Variants in CORO1B observed in about 807,000 individuals in gnomAD.
CORO1B encodes the protein coronin 1B.
Under a neutral mutation model 51.1 loss-of-function variants are expected in CORO1B, and 30 were observed. The ratio of observed to expected loss-of-function variants is 0.59; its 90% CI spans 0.44 to 0.80. The LOEUF is 0.80. Ranked by LOEUF, CORO1B falls within the 30% of genes least tolerant of loss-of-function variation. The pLI is 0.00. For synonymous variants in CORO1B, 310 were observed against 289.7 expected, an observed-to-expected ratio of 1.07 and a Z score of -0.71; for missense variants, 648 against 700.4, an observed-to-expected ratio of 0.93 and a Z score of 0.84.
chr11:67,439,575 G>A (rs1046433856), intron 9 of CORO1B, among the ~76,000 whole-genome samples: 1 of 152,196 alleles, frequency 6.6e-6, no homozygotes, highest in Non-Finnish European at 1.5e-5. Context: ...CCAGAGCAGG[G>A]CCCCTGCTCA....
rs1411309525 is a variant in CORO1B at position 67,441,168 on chromosome 11, C to A, written c.713G>T (p.Gly238Val). The change falls in exon 6 of 11, where the codon GGC becomes GTC. Residue 238 changes from glycine (G) to valine (V), a missense_variant. Physicochemically the swap from Gly to Val is moderately radical, Grantham distance 109 (BLOSUM62 -3). Transcript: ENST00000341356. ...FLADGKVFTT[G>V]FSRMSERQLA... is the part of the protein sequence containing the mutation. ...CTGCCGCTCGCTCATTCGGCTGAAG[C>A]CTGTGGTGAACACCTTGCCATCTGC... 1 of 1,613,152 alleles carries A rather than the reference C, an allele frequency of 6.2e-7. No homozygotes were observed. The highest frequency in any genetic ancestry group is 8.5e-7 in the Non-Finnish European group (1 of 1,180,020).
chr11:67,436,237 C>A lies in CORO1B; in HGVS notation c.*2139G>T. 1 of 1,546,532 alleles carries A rather than the reference C, an allele frequency of 6.5e-7. No individual in the cohort carries two copies. Among genetic ancestry groups the A allele is most frequent in the Non-Finnish European group, 8.7e-7 (1 of 1,149,462 alleles). The stretch of plus-strand genomic sequence containing the variant: ...TGGCCAGCAGTAGGAGCAGCAGCAG[C>A]AGCAGGACAACGGTGACAGAGCTGG... On this transcript the variant is annotated 3_prime_UTR_variant, in exon 11 of 11. Transcript: ENST00000341356.
rs1367088679 is a variant in CORO1B at position 67,438,627 on chromosome 11, C to G, written c.1344+44G>C. ...TGAAGCCCACACAGCAGGCCAGGGC[C>G]ACACCTGGGGCTCCCAGCACCACCC... is the stretch of plus-strand genomic sequence containing the variant. On this transcript the variant is annotated intron_variant, in intron 10 of 10. Transcript: ENST00000341356. The G allele has an allele frequency of 2.0e-6, 3 of 1,515,792 alleles. No homozygotes were observed. In the African/African-American group the frequency reaches 4.1e-5, roughly 21 times the overall value. The allele number at this position is 1,515,792 out of a possible 1,614,324, so 93.9% of individuals were successfully genotyped here.
chr11:67,440,780 AG>A (rs768905549), intron 6 of CORO1B: 1 of 643,374 alleles, frequency 1.6e-6, no homozygotes, highest in South Asian at 1.5e-5. Flanking sequence ...AGAAGCAGAG[AG>A]GGCTGGGGCC....
intron 9 of CORO1B, 125 bp from the exon 10 acceptor site, chr11:67,439,074 C>G (rs1277685343): frequency 1.3e-5 from 15 of 1,160,138 alleles, no homozygotes; most frequent in Non-Finnish European, 1.7e-5. Flanking sequence ...AAGCTCAAAT[C>G]TGGCCTTTAA....
Position 67,437,487 on chromosome 11 carries a change from A to G in CORO1B, c.*889T>C. ...GTGAGAGAAAGGTTCAGCCTCTGCC[A>G]TACTCCTCTTAGGTCTCACCTCTTC... is the stretch of plus-strand genomic sequence containing the variant. On this transcript the variant is annotated 3_prime_UTR_variant, in exon 11 of 11. Coordinates refer to ENST00000341356, the MANE Select transcript of CORO1B (RefSeq NM_020441.3). The G allele has an allele frequency of 2.7e-6, 3 of 1,120,716 alleles. No individual in the cohort carries two copies. Among genetic ancestry groups the G allele is most frequent in the Non-Finnish European group, 3.5e-6 (3 of 848,004 alleles). The allele number at this position is 1,120,716 out of a possible 1,614,324, so 69.4% of individuals were successfully genotyped here.
rs1864340776 is a variant in CORO1B, at chr11:67,438,789, CGCCG to C, written c.1222_1225del (p.Arg408AlafsTer18). The C allele has an allele frequency of 1.3e-6, 2 of 1,599,224 alleles. No homozygotes were observed. Among genetic ancestry groups the C allele is most frequent in the South Asian group, 2.2e-5 (2 of 89,204 alleles). ...GGGCCGGCTGTCAGACAACACGTTG[CGCCG>C]GCTGATCTTCAGGTCCCGCTGCTTG... On this transcript the variant is annotated frameshift_variant, in exon 10 of 11. Coordinates refer to ENST00000341356, the MANE Select transcript of CORO1B (RefSeq NM_020441.3). LOFTEE classifies it high-confidence loss of function.
chr11:67,436,435 T>C lies in CORO1B; in HGVS notation c.*1941A>G, dbSNP rs529106143. The C allele has an allele frequency of 1.1e-4, 156 of 1,389,408 alleles. No individual in the cohort carries two copies. The African/African-American group carries it at 1.8e-3, about 16-fold the overall frequency. The allele number at this position is 1,389,408 out of a possible 1,614,324, so 86.1% of individuals were successfully genotyped here. Reference sequence around the variant, plus strand: ...GCAGGCTGGGTGACCAAGACCACTTTCGTTTTTTTCTCTTTGGGATCCTCT... The same window carrying C: ...GCAGGCTGGGTGACCAAGACCACTTCCGTTTTTTTCTCTTTGGGATCCTCT... On this transcript the variant is annotated 3_prime_UTR_variant, in exon 11 of 11. Transcript: ENST00000341356.
upstream of CORO1B, chr11:67,443,503 G>A (rs966246606): frequency 3.1e-6 from 3 of 982,290 alleles, no homozygotes; most frequent in Non-Finnish European, 2.4e-6. Flanking sequence ...AGTGACAGAG[G>A]GACCCGGAGC....
intron 4 of CORO1B, 32 bp from the exon 5 acceptor site, chr11:67,441,546 G>A (rs745721129): frequency 3.1e-6 from 5 of 1,599,042 alleles, no homozygotes; most frequent in African/African-American, 2.7e-5. Context: ...CTCGGGCCGG[G>A]TGGGTGGCAG....
At chr11:67,443,554 C>A (rs946656090), upstream of CORO1B, 5 of 747,586 alleles carry the variant, frequency 6.7e-6, no homozygotes, top group Non-Finnish European at 8.2e-6. Context: ...GCCGAGGTCA[C>A]GCGCGGAGGG....
chr11:67,443,563 G>GGGCTGGGCGGGAGGCTGAGC, upstream of CORO1B: 1 of 723,408 alleles, frequency 1.4e-6, no homozygotes, highest in Non-Finnish European at 1.7e-6. Flanking sequence ...ACGCGCGGAG[G>GGGCTGGGCGGGAGGCTGAGC]GGCTGGGCGG....
In CORO1B at chr11:67,436,681, G is replaced by A. The variant is rs1179348714; in HGVS notation, c.*1695C>T. On this transcript the variant is annotated 3_prime_UTR_variant, in exon 11 of 11. Coordinates refer to ENST00000341356, the MANE Select transcript of CORO1B (RefSeq NM_020441.3). ...CCCCGGGCTGCATGGCCTGCTCACC[G>A]TGCTCAAACTTCACCCCAGTGAGGC... 3 of 286,790 alleles carry A rather than the reference G, an allele frequency of 1.0e-5. No homozygotes were observed. Among genetic ancestry groups the A allele is most frequent in the South Asian group, 9.3e-5 (1 of 10,762 alleles). The allele number at this position is 286,790 out of a possible 1,614,324, so 17.8% of individuals were successfully genotyped here. A position where few individuals can be genotyped will look rare whatever the true frequency, so the allele number is the denominator to read the frequency against.
At chr11:67,442,252 G>C (rs1864412344) in intron 2 of CORO1B, among the ~76,000 whole-genome samples, 164 bp from the exon 3 acceptor site, 1 of 152,228 alleles carries the variant, frequency 6.6e-6, no homozygotes, top group Non-Finnish European at 1.5e-5. Flanking sequence ...CTCTAACCCT[G>C]CCTCTATGGC....
rs561335766 is a variant in CORO1B, at chr11:67,442,482, C to A, written c.147G>T (p.Ala49=). The change falls in exon 2 of 11, where the codon GCG becomes GCT. Residue 49 remains alanine (A), a synonymous_variant. Coordinates refer to ENST00000341356, the MANE Select transcript of CORO1B (RefSeq NM_020441.3). ...TFCAVNPKFL[A]VIVEASGGGA... Reference sequence around the variant, plus strand: ...CCCCTCCACTGGCCTCCACAATCACCGCCAGGAACTTGGGGTTGACGGCGC... The same window carrying A: ...CCCCTCCACTGGCCTCCACAATCACAGCCAGGAACTTGGGGTTGACGGCGC... 14 of 1,613,558 alleles carry A rather than the reference C, an allele frequency of 8.7e-6. No homozygotes were observed. The highest frequency in any genetic ancestry group is 1.1e-5 in the Non-Finnish European group (13 of 1,180,020).
intron 3 of CORO1B, 31 bp from the exon 4 acceptor site, chr11:67,441,893 T>A: frequency 6.2e-7 from 1 of 1,613,046 alleles, no homozygotes; most frequent in Non-Finnish European, 8.5e-7. Flanking sequence ...CCGAGCTCAG[T>A]CCTCTGCTGG....
chr11:67,438,932 A>G lies in CORO1B; in HGVS notation c.1083T>C (p.Asp361=). 1.2e-6 allele frequency: 2 copies of G among 1,602,484 alleles called. No individual in the cohort carries two copies. Among genetic ancestry groups the G allele is most frequent in the South Asian group, 1.1e-5 (1 of 90,476 alleles). The change falls in exon 10 of 11, where the codon GAT becomes GAC. Residue 361 remains aspartate, a synonymous_variant. Transcript: ENST00000341356. ...TVPRKSDLFQ[D]DLYPDTAGPE... ...GCCCGGCTGTGTCGGGGTACAGATC[A>G]TCCTGGAAGAGGTCCGACTGGGCAG... is the stretch of plus-strand genomic sequence containing the variant.
At chr11:67,439,514 G>A (rs1864354696) in intron 9 of CORO1B, among the ~76,000 whole-genome samples, 1 of 152,190 alleles carries the variant, frequency 6.6e-6, no homozygotes, top group South Asian at 2.1e-4. Context: ...GAAGATCTGT[G>A]TGGCTGCCAC....
chr11:67,441,693 C>A (rs1436423780), intron 4 of CORO1B, 40 bp downstream of exon 4: 5 of 1,521,384 alleles, frequency 3.3e-6, no homozygotes, highest in Admixed American at 1.9e-5. Flanking sequence ...ATGGAGGGGT[C>A]CGTGGGGGGG....
Sources: gnomAD v4.1 joint callset for allele counts (sites outside exome capture counted in the v4.1 genomes callset) on GRCh38, gnomAD v4.1.1 for gene constraint, MANE v1.5 for transcripts, NCBI Gene and HGNC (gene_info 2026-07-23, HGNC 2026-07-21) for gene names.